Variants in DOK6 observed in about 807,000 individuals in gnomAD.
The protein encoded by DOK6 is docking protein 6.
DOK6 carries 22 observed loss-of-function variants against 44.0 expected under a neutral mutation model. The observed-to-expected ratio is 0.50, with a 90% CI of 0.36 to 0.71. The LOEUF (loss-of-function observed/expected upper bound fraction) is 0.71, where lower values mean the gene tolerates loss of function less well. Ranked by LOEUF, DOK6 falls within the 30% of genes least tolerant of loss-of-function variation. DOK6 has a pLI of 0.00. For missense variants in DOK6, 340 were observed against 416.4 expected (o/e 0.82, Z 1.60); for synonymous variants, 166 against 145.5 (o/e 1.14, Z -1.01).
At chr18:69,575,054 T>C (rs12960801) in intron 2 of DOK6, among the ~76,000 whole-genome samples, 99,825 of 151,916 alleles carry the variant, frequency 0.66, 34,698 homozygotes, top group Non-Finnish European at 0.78. Flanking sequence ...TAGGCTTCCC[T>C]ACTGCACAGC....
chr18:69,739,355 CAG>C (rs935235330), intron 6 of DOK6, among the ~76,000 whole-genome samples: 2 of 152,220 alleles, frequency 1.3e-5, no homozygotes, highest in African/African-American at 4.8e-5. Flanking sequence ...CCTTGGATGT[CAG>C]AGAGTAGATT....
intron 7 of DOK6, among the ~76,000 whole-genome samples, chr18:69,818,104 G>A (rs1315530186): frequency 1.3e-5 from 2 of 152,122 alleles, no homozygotes; most frequent in Admixed American, 6.5e-5. Flanking sequence ...TAGAACCCAG[G>A]AACTTTGAGT....
At chr18:69,656,394 C>T (rs1985369093) in intron 3 of DOK6, among the ~76,000 whole-genome samples, 1 of 152,092 alleles carries the variant, frequency 6.6e-6, no homozygotes, top group South Asian at 2.1e-4. Flanking sequence ...AATGATGAGA[C>T]GATATCACAA....
At chr18:69,562,141 T>C (rs910532200) in intron 1 of DOK6, among the ~76,000 whole-genome samples, 1 of 152,202 alleles carries the variant, frequency 6.6e-6, no homozygotes, top group Non-Finnish European at 1.5e-5. Context: ...TTACCTTGTC[T>C]TTAAACATAT....
At chr18:69,736,479 A>G (rs762996807) in intron 5 of DOK6, among the ~76,000 whole-genome samples, 5 of 152,228 alleles carry the variant, frequency 3.3e-5, no homozygotes, top group African/African-American at 4.8e-5. Flanking sequence ...TTCATTTTGT[A>G]CAAAGACATT....
intron 7 of DOK6, among the ~76,000 whole-genome samples, chr18:69,828,900 A>ATATATAT (rs59036025): frequency 3.9e-5 from 5 of 127,836 alleles, no homozygotes; most frequent in East Asian, 2.3e-4. Context: ...ATATATATAT[A>ATATATAT]GTATGTATGT....
At chr18:69,411,089 A>G (rs995678001) in intron 1 of DOK6, among the ~76,000 whole-genome samples, 9 of 152,182 alleles carry the variant, frequency 5.9e-5, no homozygotes, top group Non-Finnish European at 1.3e-4. Flanking sequence ...TCTCGAGTTC[A>G]TGCAGATAGT....
rs1191261221 is a variant in DOK6, at chr18:69,417,086, A to C, written c.66+15776A>C. 1.3e-5 allele frequency among the ~76,000 whole-genome samples: 2 copies of C among 152,120 alleles called. 1 individual carries two copies. The highest frequency in any genetic ancestry group is 2.9e-5 in the Non-Finnish European group (2 of 68,014). On this transcript the variant is annotated intron_variant, in intron 1 of 7. Transcript: ENST00000382713. ...TCATTTATTTGTGTTGAGAACATTC[A>C]ACTCTACTCTTCTAGTTCTTTTGAA... is the stretch of plus-strand genomic sequence containing the variant.
chr18:69,718,335 C>T (rs1335287272), intron 5 of DOK6, among the ~76,000 whole-genome samples: 5 of 152,106 alleles, frequency 3.3e-5, no homozygotes, highest in Non-Finnish European at 7.4e-5. Flanking sequence ...CCCAACCCCC[C>T]AAAAGAAGCT....
At chr18:69,656,435 C>T (rs911925072) in intron 3 of DOK6, among the ~76,000 whole-genome samples, 3 of 152,244 alleles carry the variant, frequency 2.0e-5, no homozygotes, top group African/African-American at 2.4e-5. Context: ...TTCTAGTCAG[C>T]GTGCTGTGTG....
chr18:69,782,920 C>G (rs932424338), intron 7 of DOK6, among the ~76,000 whole-genome samples: 3 of 152,342 alleles, frequency 2.0e-5, no homozygotes, highest in Non-Finnish European at 2.9e-5. Flanking sequence ...GTTCCAGATT[C>G]TCATTTCAGT....
At chr18:69,677,920 A>C in intron 4 of DOK6, 67 bp downstream of exon 4, 1 of 1,548,306 alleles carries the variant, frequency 6.5e-7, no homozygotes, top group South Asian at 1.2e-5. Context: ...GAAACTGGAA[A>C]GGATCTCAGA....
At chr18:69,494,750 A>G (rs1436330840) in intron 1 of DOK6, among the ~76,000 whole-genome samples, 2 of 152,174 alleles carry the variant, frequency 1.3e-5, no homozygotes, top group Non-Finnish European at 2.9e-5. Context: ...CAAAAACTTA[A>G]ATGATATAAT....
chr18:69,750,538 C>T (rs751942649), intron 6 of DOK6, among the ~76,000 whole-genome samples: 18 of 152,186 alleles, frequency 1.2e-4, no homozygotes, highest in East Asian at 1.9e-4. Context: ...TCTTCTCATA[C>T]GCATCAGAAT....
At chr18:69,525,848 C>T (rs923356600) in intron 1 of DOK6, among the ~76,000 whole-genome samples, 1 of 152,034 alleles carries the variant, frequency 6.6e-6, no homozygotes, top group Non-Finnish European at 1.5e-5. Context: ...ATTTTTCCAA[C>T]CATTTAAAAA....
chr18:69,770,988 T>C lies in DOK6; in HGVS notation c.856+13115T>C, dbSNP rs180705955. On this transcript the variant is annotated intron_variant, in intron 7 of 7. Transcript: ENST00000382713. ...TCTTCTTAGACAAGCTTTATTTCCC[T>C]TAAACAATTTCTGTACCTTCCATTG... Among the ~76,000 whole-genome samples, 455 of 152,184 alleles carry C rather than the reference T, an allele frequency of 3.0e-3. 4 individuals carry two copies. The highest frequency in any genetic ancestry group is 0.01 in the African/African-American group (430 of 41,558).
chr18:69,796,962 A>G (rs1242637963), intron 7 of DOK6, among the ~76,000 whole-genome samples: 4 of 152,186 alleles, frequency 2.6e-5, no homozygotes, highest in African/African-American at 9.6e-5. Context: ...AAAAGAGCTT[A>G]TATTTGATGA....
chr18:69,807,878 A>G (rs151170243), intron 7 of DOK6, among the ~76,000 whole-genome samples: 1 of 152,008 alleles, frequency 6.6e-6, no homozygotes, highest in Admixed American at 6.6e-5. Flanking sequence ...TTAGCAATGG[A>G]TAGATCATCC....
chr18:69,521,937 T>A (rs1317872895), intron 1 of DOK6, among the ~76,000 whole-genome samples: 2 of 151,932 alleles, frequency 1.3e-5, no homozygotes, highest in African/African-American at 4.8e-5. Context: ...TTTAAAAAAA[T>A]TATAATATAA....
Sources: allele counts gnomAD v4.1 joint callset (sites outside exome capture counted in the v4.1 genomes callset), GRCh38; gene constraint gnomAD v4.1.1; transcripts MANE v1.5; gene names NCBI Gene and HGNC (gene_info 2026-07-23, HGNC 2026-07-21).